The following VPS26A variants were observed in gnomAD, a reference collection of about 807,000 sequenced individuals.
VPS26A encodes the protein VPS26 retromer complex component A.
A neutral mutation model predicts 42.4 loss-of-function variants in VPS26A; 22 were observed. The ratio of observed to expected loss-of-function variants is 0.52; its 90% CI spans 0.37 to 0.74. The LOEUF is 0.74. VPS26A is among the 30% of genes least tolerant of loss of function. The probability of loss-of-function intolerance (pLI) is 0.00; values close to 1 mark genes in which losing one functional copy is unlikely to be tolerated. For missense variants in VPS26A, 276 were observed against 379.2 expected, an observed-to-expected ratio of 0.73 and a Z score of 2.26; for synonymous variants, 110 against 123.5, an observed-to-expected ratio of 0.89 and a Z score of 0.73.
At chr10:69,132,313 A>T (rs924384900) in intron 1 of VPS26A, among the ~76,000 whole-genome samples, 2 of 150,852 alleles carry the variant, frequency 1.3e-5, no homozygotes, top group Non-Finnish European at 3.0e-5. Flanking sequence ...AAATGATTGA[A>T]ATTATAGCAT....
chr10:69,146,895 T>C (rs192625860), intron 2 of VPS26A, among the ~76,000 whole-genome samples: 1 of 152,376 alleles, frequency 6.6e-6, no homozygotes, highest in African/African-American at 2.4e-5. Flanking sequence ...AACATTCATG[T>C]ACAGGTTTTT....
At chr10:69,142,678 C>T (rs1435093996) in intron 2 of VPS26A, among the ~76,000 whole-genome samples, 1 of 151,072 alleles carries the variant, frequency 6.6e-6, no homozygotes, top group African/African-American at 2.4e-5. Context: ...AAATAATATG[C>T]TCATTTGGCA....
intron 2 of VPS26A, among the ~76,000 whole-genome samples, chr10:69,149,734 GTTTTT>G (rs869048277): frequency 6.1e-4 from 13 of 21,402 alleles, no homozygotes; most frequent in African/African-American, 1.1e-3. Flanking sequence ...GGTGTTTTTT[GTTTTT>G]TTTTTTTTTT....
intron 1 of VPS26A, among the ~76,000 whole-genome samples, chr10:69,124,915 G>A (rs1840617902): frequency 6.6e-6 from 1 of 152,166 alleles, no homozygotes; most frequent in Admixed American, 6.5e-5. Flanking sequence ...TCTCATTTCC[G>A]TCCGCAAGCT....
At position 69,168,640 on chromosome 10, in the gene VPS26A, C is replaced by G. The variant is rs951717; in HGVS notation, c.870+9C>G. 9,459 of 1,611,966 alleles carry G rather than the reference C, an allele frequency of 5.9e-3. 52 individuals are homozygous for G. Among genetic ancestry groups the G allele is most frequent in the Non-Finnish European group, 7.0e-3 (8,207 of 1,179,042 alleles). On this transcript the variant is annotated intron_variant, in intron 8 of 8. Transcript: ENST00000263559. ...GGTACTTCAAACAGCAGGTATGGTG[C>G]CACTTGGGCTGGTATTATGTTCTGC...
intron 2 of VPS26A, among the ~76,000 whole-genome samples, chr10:69,153,778 C>T (rs961241644): frequency 1.3e-5 from 2 of 151,978 alleles, no homozygotes; most frequent in African/African-American, 4.8e-5. Flanking sequence ...CGAGACCAGC[C>T]TGGGCAATAT....
chr10:69,135,315 TTAAAG>T (rs1204769105), intron 2 of VPS26A, among the ~76,000 whole-genome samples: 2 of 152,242 alleles, frequency 1.3e-5, no homozygotes, highest in South Asian at 4.1e-4. Context: ...TCAGTCTAGT[TTAAAG>T]TAATCTTATG....
intron 8 of VPS26A, among the ~76,000 whole-genome samples, chr10:69,170,844 A>G (rs188978489): frequency 1.3e-5 from 2 of 152,322 alleles, no homozygotes; most frequent in East Asian, 3.9e-4. Flanking sequence ...CTAAGTGACA[A>G]GAACTTGAAT....
chr10:69,149,943 C>T (rs1841262546), intron 2 of VPS26A, among the ~76,000 whole-genome samples: 1 of 151,876 alleles, frequency 6.6e-6, no homozygotes, highest in African/African-American at 2.4e-5. Flanking sequence ...AGGGTTTCAC[C>T]ATGTGGGCCA....
intron 2 of VPS26A, among the ~76,000 whole-genome samples, chr10:69,139,506 A>C (rs1840994199): frequency 6.6e-6 from 1 of 151,926 alleles, no homozygotes. Flanking sequence ...GTTTCACCAT[A>C]TTGGCCAGGC....
rs144846543 is a variant in VPS26A at position 69,140,807 on chromosome 10, C to G, written c.153+7760C>G. The stretch of plus-strand genomic sequence containing the variant: ...TTGGATTGTGCAAAACTCCTTCCAG[C>G]GTTAGCTCTTATTCTCAGATTGACA... On this transcript the variant is annotated intron_variant, in intron 2 of 8. Transcript: ENST00000263559. Among the ~76,000 whole-genome samples the G allele has an allele frequency of 6.9e-3, 1,056 of 152,282 alleles. 10 individuals carry two copies. The highest frequency in any genetic ancestry group is 0.024 in the African/African-American group (998 of 41,552).
chr10:69,148,609 T>C (rs757592929), intron 2 of VPS26A, among the ~76,000 whole-genome samples: 3 of 152,240 alleles, frequency 2.0e-5, no homozygotes, highest in Non-Finnish European at 4.4e-5. Flanking sequence ...TGGTGTGTGG[T>C]ACATTGATAG....
At chr10:69,134,212 A>T (rs183451543) in intron 2 of VPS26A, among the ~76,000 whole-genome samples, 99 of 152,294 alleles carry the variant, frequency 6.5e-4, no homozygotes, top group Middle Eastern at 6.8e-3. Context: ...CACTGTTAAA[A>T]TTTGGATGTG....
intron 6 of VPS26A, 25 bp from the exon 7 acceptor site, chr10:69,166,017 A>G: frequency 6.3e-7 from 1 of 1,589,016 alleles, no homozygotes; most frequent in Non-Finnish European, 8.6e-7. Context: ...TATTTAAATT[A>G]ATGTTATTTA....
intron 6 of VPS26A, among the ~76,000 whole-genome samples, chr10:69,162,741 A>C (rs994854726): frequency 6.6e-6 from 1 of 152,210 alleles, no homozygotes; most frequent in African/African-American, 2.4e-5. Context: ...CACATGGTTC[A>C]AAAATAAAAT....
At chr10:69,162,685 G>A (rs1471311636) in intron 6 of VPS26A, among the ~76,000 whole-genome samples, 173 bp downstream of exon 6, 1 of 151,852 alleles carries the variant, frequency 6.6e-6, no homozygotes. Flanking sequence ...TGATTGTCCA[G>A]AATTTATTTT....
intron 8 of VPS26A, among the ~76,000 whole-genome samples, chr10:69,169,275 T>C (rs1841762655): frequency 6.6e-6 from 1 of 151,688 alleles, no homozygotes; most frequent in African/African-American, 2.4e-5. Flanking sequence ...ACTATTTTTA[T>C]TTTTTAAGAT....
chr10:69,174,068 C>G lies in VPS26A; in HGVS notation c.*2799C>G, dbSNP rs1337587318. ...ATAAGAGAATAAAAGCTGGCCACCCCCCAGCCAGCAGCGGCAACCGGCTCG... is the reference window on the plus strand; with the variant it reads ...ATAAGAGAATAAAAGCTGGCCACCCGCCAGCCAGCAGCGGCAACCGGCTCG... On this transcript the variant is annotated 3_prime_UTR_variant, in exon 9 of 9. Transcript: ENST00000263559. Among the ~76,000 whole-genome samples, 1 of 152,182 alleles carries G rather than the reference C, an allele frequency of 6.6e-6. No individual in the cohort carries two copies. The highest frequency in any genetic ancestry group is 2.4e-5 in the African/African-American group (1 of 41,454).
At chr10:69,149,108 A>G (rs1477802380) in intron 2 of VPS26A, among the ~76,000 whole-genome samples, 1 of 152,054 alleles carries the variant, frequency 6.6e-6, no homozygotes, top group South Asian at 2.1e-4. Flanking sequence ...TTTTAAACCT[A>G]TGTAGTCTCA....
Sources: gnomAD v4.1 joint callset for allele counts (sites outside exome capture counted in the v4.1 genomes callset) on GRCh38, gnomAD v4.1.1 for gene constraint, MANE v1.5 for transcripts, NCBI Gene and HGNC (gene_info 2026-07-23, HGNC 2026-07-21) for gene names.